The following TIMM23B variants were observed in gnomAD, a reference collection of about 807,000 sequenced individuals.
TIMM23B encodes the protein translocase of inner mitochondrial membrane 23 homolog B.
Under a neutral mutation model 27.3 loss-of-function variants are expected in TIMM23B, and 27 were observed. That is an observed-to-expected ratio of 0.99 (90% CI 0.73 to 1.36). The LOEUF is 1.36. Among genes scored for constraint, TIMM23B ranks in the 40% most tolerant of loss-of-function variants. TIMM23B has a pLI of 0.00. For missense variants in TIMM23B, 205 were observed against 244.2 expected (o/e 0.84, Z 1.07); for synonymous variants, 73 against 92.4 (o/e 0.79, Z 1.21).
chr10:49,968,678 C>T (rs1195171499), intron 6 of TIMM23B, among the ~76,000 whole-genome samples: 1 of 152,084 alleles, frequency 6.6e-6, no homozygotes, highest in Non-Finnish European at 1.5e-5. Context: ...ACTGAAAATA[C>T]AAAAACATTA....
At chr10:49,953,845 C>T (rs1200476657) in intron 4 of TIMM23B, among the ~76,000 whole-genome samples, 2 of 152,126 alleles carry the variant, frequency 1.3e-5, no homozygotes, top group Non-Finnish European at 2.9e-5. Context: ...TCCTCAACAA[C>T]CATCAACCAT....
At chr10:49,958,867 T>A (rs1249191386) in intron 6 of TIMM23B, among the ~76,000 whole-genome samples, 5 of 152,238 alleles carry the variant, frequency 3.3e-5, no homozygotes, top group Non-Finnish European at 7.3e-5. Flanking sequence ...ATTTGTCCTT[T>A]TTTGATTGGC....
chr10:49,949,882 A>G (rs1839468740), intron 2 of TIMM23B, among the ~76,000 whole-genome samples: 1 of 150,872 alleles, frequency 6.6e-6, no homozygotes, highest in Admixed American at 6.6e-5. Context: ...ACAGGGTCTC[A>G]CTGTGTTGTC....
chr10:49,968,975 A>C (rs1840294274), intron 6 of TIMM23B, among the ~76,000 whole-genome samples: 1 of 152,270 alleles, frequency 6.6e-6, no homozygotes, highest in Non-Finnish European at 1.5e-5. Context: ...ATGCATTTTA[A>C]ATGAAACAAG....
intron 5 of TIMM23B, among the ~76,000 whole-genome samples, chr10:49,956,880 A>C (rs1306143464): frequency 6.8e-6 from 1 of 147,966 alleles, no homozygotes; most frequent in Non-Finnish European, 1.5e-5. Context: ...TGTTGAAAAA[A>C]AAAAACAGTT....
chr10:49,963,746 A>G (rs1471967952), intron 6 of TIMM23B, among the ~76,000 whole-genome samples: 1 of 152,180 alleles, frequency 6.6e-6, no homozygotes, highest in Non-Finnish European at 1.5e-5. Context: ...AGGGTGGATC[A>G]CCTGAGGTCA....
chr10:49,947,115 T>C (rs1233392709), intron 2 of TIMM23B, among the ~76,000 whole-genome samples: 14 of 152,264 alleles, frequency 9.2e-5, no homozygotes, highest in African/African-American at 3.1e-4. Flanking sequence ...ATATGCAAAA[T>C]GTTACCACCA....
intron 5 of TIMM23B, 97 bp downstream of exon 5, chr10:49,955,157 A>C (rs1305773416): frequency 8.3e-7 from 1 of 1,205,370 alleles, no homozygotes; most frequent in Non-Finnish European, 1.2e-6. Flanking sequence ...TGGTCCTAGG[A>C]TATGAGACAA....
chr10:49,970,697 T>A (rs1840399497), intron 6 of TIMM23B, among the ~76,000 whole-genome samples: 1 of 117,542 alleles, frequency 8.5e-6, no homozygotes, highest in South Asian at 3.1e-4. Context: ...AGCCACCCCA[T>A]CCGGGAGGGA....
intron 6 of TIMM23B, among the ~76,000 whole-genome samples, chr10:49,959,157 G>C (rs1425831339): frequency 1.3e-5 from 2 of 152,114 alleles, no homozygotes; most frequent in African/African-American, 4.8e-5. Context: ...GTTTATGGTG[G>C]TTTTTTGACA....
chr10:49,954,591 G>C (rs1267556623), intron 4 of TIMM23B, among the ~76,000 whole-genome samples: 1 of 151,910 alleles, frequency 6.6e-6, no homozygotes, highest in Non-Finnish European at 1.5e-5. Flanking sequence ...TTAGAAGCTA[G>C]CTCGCCATAG....
intron 2 of TIMM23B, among the ~76,000 whole-genome samples, chr10:49,951,902 C>CA (rs1406774899): frequency 6.6e-6 from 1 of 152,206 alleles, no homozygotes; most frequent in Non-Finnish European, 1.5e-5. Flanking sequence ...TTGAAGGAAA[C>CA]AAAGTCTTTA....
intron 2 of TIMM23B, among the ~76,000 whole-genome samples, chr10:49,951,692 A>G (rs1272593637): frequency 6.6e-6 from 1 of 152,188 alleles, no homozygotes; most frequent in Non-Finnish European, 1.5e-5. Context: ...AAACTGTTGT[A>G]CTTTATTAGT....
chr10:49,958,300 CAATATATGTATATCAT>C (rs1839789943), intron 5 of TIMM23B, 54 bp from the exon 6 acceptor site: 1 of 982,696 alleles, frequency 1.0e-6, no homozygotes, highest in East Asian at 2.4e-5. Context: ...GGATGAAAAC[CAATATATGTATATCAT>C]AATATCACAC....
At chr10:49,952,020 T>G in intron 2 of TIMM23B, 106 bp from the exon 3 acceptor site, 1 of 794,330 alleles carries the variant, frequency 1.3e-6, no homozygotes, top group South Asian at 1.8e-5. Context: ...TGAGTTAATT[T>G]AAGGTTTATT....
At chr10:49,952,910 A>G (rs1213975071) in intron 4 of TIMM23B, among the ~76,000 whole-genome samples, 1 of 152,132 alleles carries the variant, frequency 6.6e-6, no homozygotes, top group Admixed American at 6.6e-5. Flanking sequence ...TAAGCAGCTC[A>G]TGAGAGTGAT....
chr10:49,952,245 A>G, intron 3 of TIMM23B, 26 bp downstream of exon 3: 2 of 1,587,278 alleles, frequency 1.3e-6, no homozygotes, highest in Non-Finnish European at 1.7e-6. Flanking sequence ...TTTTTTCTCA[A>G]GAGTGCTCAG....
chr10:49,970,684 G>A (rs1222858145), intron 6 of TIMM23B, among the ~76,000 whole-genome samples: 16 of 145,198 alleles, frequency 1.1e-4, no homozygotes, highest in African/African-American at 1.5e-4. Context: ...CCCCTGCCCC[G>A]CCAGCCACCC....
intron 2 of TIMM23B, among the ~76,000 whole-genome samples, chr10:49,949,197 C>CT (rs1318050672): frequency 0.76 from 80,720 of 105,734 alleles, 31,579 homozygotes; most frequent in Non-Finnish European, 0.84. Context: ...CATGCCTGGC[C>CT]TTTTTTTTTT....
Sources: allele counts gnomAD v4.1 joint callset (sites outside exome capture counted in the v4.1 genomes callset), GRCh38; gene constraint gnomAD v4.1.1; transcripts MANE v1.5; gene names NCBI Gene and HGNC (gene_info 2026-07-23, HGNC 2026-07-21).